The following ATP10D variants were observed in gnomAD, a reference collection of about 807,000 sequenced individuals.
ATP10D encodes the protein ATPase phospholipid transporting 10D (putative).
In ATP10D, 89 loss-of-function variants were observed where a neutral mutation model predicts 144.8. The observed-to-expected ratio is 0.61, with a 90% CI of 0.52 to 0.73. The LOEUF (loss-of-function observed/expected upper bound fraction) is 0.73, where lower values mean the gene tolerates loss of function less well. ATP10D is among the 30% of genes least tolerant of loss of function. ATP10D has a pLI of 0.00. For synonymous variants in ATP10D, 571 were observed against 615.1 expected, an observed-to-expected ratio of 0.93 and a Z score of 1.06; for missense variants, 1,603 against 1,714.8, an observed-to-expected ratio of 0.93 and a Z score of 1.15.
At chr4:47,530,463 TTTG>T (rs1717505519) in intron 5 of ATP10D, among the ~76,000 whole-genome samples, 1 of 152,088 alleles carries the variant, frequency 6.6e-6, no homozygotes. Context: ...TGTTTGTTTG[TTTG>T]TTTGTTTTTC....
intron 5 of ATP10D, among the ~76,000 whole-genome samples, chr4:47,528,260 T>G (rs10026622): frequency 3.7e-4 from 56 of 152,056 alleles, no homozygotes; most frequent in African/African-American, 1.3e-3. Flanking sequence ...CCTCCTTTCT[T>G]TTGGAGTCCC....
intron 9 of ATP10D, among the ~76,000 whole-genome samples, chr4:47,543,162 ATTG>A (rs1029800257): frequency 2.4e-3 from 369 of 152,180 alleles, no homozygotes; most frequent in African/African-American, 8.4e-3. Context: ...ATTATTAGTT[ATTG>A]TTGTTAATCT....
chr4:47,511,995 A>G (rs1333964841), intron 1 of ATP10D, among the ~76,000 whole-genome samples: 1 of 152,248 alleles, frequency 6.6e-6, no homozygotes, highest in Non-Finnish European at 1.5e-5. Context: ...ACAGGTAGAG[A>G]AAGACTCTAC....
In ATP10D at chr4:47,580,415, C is replaced by T; in HGVS notation, c.3585C>T (p.Thr1195=). 1 of 1,613,562 alleles carries T rather than the reference C, an allele frequency of 6.2e-7. No individual in the cohort carries two copies. The highest frequency in any genetic ancestry group is 8.5e-7 in the Non-Finnish European group (1 of 1,179,594). ...ATTTCTAGGCATACTTACCCCATAC[C>T]TTCTGGATCACCTTATTGGATGCTT... is the stretch of plus-strand genomic sequence containing the variant. ...GQKSEAYLPH[T]FWITLLDAFY... Residue 1195 remains threonine (T), a synonymous_variant, in exon 20 of 23, where the codon ACC becomes ACT. Coordinates refer to ENST00000273859, the MANE Select transcript of ATP10D (RefSeq NM_020453.4).
At chr4:47,487,521 C>G (rs144984840) in intron 1 of ATP10D, among the ~76,000 whole-genome samples, 3 of 152,206 alleles carry the variant, frequency 2.0e-5, no homozygotes, top group African/African-American at 2.4e-5. Context: ...TCTCACAGAA[C>G]AATGCACTGA....
chr4:47,510,703 G>A (rs1329030974), intron 1 of ATP10D, among the ~76,000 whole-genome samples: 1 of 152,160 alleles, frequency 6.6e-6, no homozygotes, highest in African/African-American at 2.4e-5. Flanking sequence ...TTTCATGTTT[G>A]TTTAGTTAGT....
chr4:47,511,875 G>A (rs942040050), intron 1 of ATP10D, among the ~76,000 whole-genome samples: 2 of 152,216 alleles, frequency 1.3e-5, no homozygotes, highest in Non-Finnish European at 2.9e-5. Flanking sequence ...TCCTAGAACA[G>A]TGAGAGAGAA....
intron 14 of ATP10D, among the ~76,000 whole-genome samples, chr4:47,562,498 C>T (rs1432343812): frequency 6.6e-6 from 1 of 152,128 alleles, no homozygotes; most frequent in African/African-American, 2.4e-5. Context: ...AATGAGATAC[C>T]ATCTTACACC....
At chr4:47,586,005 T>G (rs1720771658) in intron 21 of ATP10D, among the ~76,000 whole-genome samples, 1 of 152,252 alleles carries the variant, frequency 6.6e-6, no homozygotes, top group African/African-American at 2.4e-5. Context: ...CTTTTGGGTG[T>G]ACAACCAGCA....
chr4:47,557,518 C>A, intron 11 of ATP10D, 146 bp from the exon 12 acceptor site: 1 of 661,556 alleles, frequency 1.5e-6, no homozygotes, highest in Non-Finnish European at 2.3e-6. Context: ...TAATATTTTC[C>A]ATGGCGGTCG....
chr4:47,568,565 A>T (rs1211596093), intron 15 of ATP10D, among the ~76,000 whole-genome samples: 14 of 152,212 alleles, frequency 9.2e-5, no homozygotes, highest in Non-Finnish European at 1.6e-4. Flanking sequence ...CTTGGGATTC[A>T]CTGTTCAAGA....
intron 13 of ATP10D, among the ~76,000 whole-genome samples, chr4:47,559,233 T>G (rs1464055734): frequency 6.6e-6 from 1 of 152,214 alleles, no homozygotes; most frequent in Non-Finnish European, 1.5e-5. Context: ...CTAAAACTTA[T>G]AGTCTCTAAG....
At chr4:47,541,558 A>G (rs1718136224) in intron 9 of ATP10D, among the ~76,000 whole-genome samples, 1 of 152,220 alleles carries the variant, frequency 6.6e-6, no homozygotes, top group Non-Finnish European at 1.5e-5. Flanking sequence ...TGTGTTATTT[A>G]CAAGCAGGCA....
intron 1 of ATP10D, chr4:47,491,316 T>G (rs572508490): frequency 2.3e-6 from 2 of 873,266 alleles, no homozygotes; most frequent in African/African-American, 3.3e-5. Flanking sequence ...CATTCCTTTT[T>G]GAACAGTACC....
intron 1 of ATP10D, among the ~76,000 whole-genome samples, chr4:47,486,520 T>G (rs1360288059): frequency 6.6e-6 from 1 of 152,210 alleles, no homozygotes; most frequent in Non-Finnish European, 1.5e-5. Flanking sequence ...AGGTCACATT[T>G]CTGTGAAGAA....
intron 11 of ATP10D, chr4:47,556,840 C>T (rs1038263271): frequency 2.0e-5 from 3 of 152,000 alleles, no homozygotes; most frequent in African/African-American, 7.2e-5. Context: ...AGTTTAGTCA[C>T]TGATAAAAGT....
At chr4:47,571,407 T>TGAGGCCAGG (rs1157806640) in intron 16 of ATP10D, among the ~76,000 whole-genome samples, 6 of 151,708 alleles carry the variant, frequency 4.0e-5, no homozygotes, top group African/African-American at 1.5e-4. Context: ...TGTCCATTTC[T>TGAGGCCAGG]GAACCAATTA....
chr4:47,565,273 T>G (rs73238605), intron 15 of ATP10D, among the ~76,000 whole-genome samples: 13 of 152,304 alleles, frequency 8.5e-5, no homozygotes, highest in Non-Finnish European at 1.8e-4. Flanking sequence ...TTAGCATGTT[T>G]TTATGGTCAG....
chr4:47,541,637 A>G (rs892617687), intron 9 of ATP10D, among the ~76,000 whole-genome samples: 4 of 152,182 alleles, frequency 2.6e-5, no homozygotes, highest in Non-Finnish European at 4.4e-5. Context: ...GATTGATGAT[A>G]CAATTGAAGG....
Sources: allele counts gnomAD v4.1 joint callset (sites outside exome capture counted in the v4.1 genomes callset), GRCh38; gene constraint gnomAD v4.1.1; transcripts MANE v1.5; gene names NCBI Gene and HGNC (gene_info 2026-07-23, HGNC 2026-07-21).